MYO3B: variants seen among roughly 807,000 people sequenced by gnomAD.
MYO3B encodes the protein myosin-IIIb.
In MYO3B, 156 loss-of-function variants were observed where a neutral mutation model predicts 174.6. That is an observed-to-expected ratio of 0.89 (90% CI 0.78 to 1.02). MYO3B has a LOEUF of 1.02. Among genes scored for constraint, MYO3B ranks in the 50% least tolerant of loss-of-function variants. MYO3B has a pLI of 0.00. For missense variants in MYO3B, 1,632 were observed against 1,639.4 expected (o/e 1.00, Z 0.08); for synonymous variants, 563 against 569.1 (o/e 0.99, Z 0.15).
chr2:170,556,852 A>G (rs1691340718), intron 32 of MYO3B, among the ~76,000 whole-genome samples: 1 of 152,208 alleles, frequency 6.6e-6, no homozygotes, highest in African/African-American at 2.4e-5. Flanking sequence ...TTGTGTAGTC[A>G]CATCTCATTA....
chr2:170,591,036 A>T (rs1303181491), intron 32 of MYO3B, among the ~76,000 whole-genome samples: 1 of 152,236 alleles, frequency 6.6e-6, no homozygotes, highest in African/African-American at 2.4e-5. Flanking sequence ...TTTGCTCTCA[A>T]CGTTTAAAAG....
chr2:170,626,511 C>T (rs975823130), intron 32 of MYO3B, among the ~76,000 whole-genome samples: 1 of 152,150 alleles, frequency 6.6e-6, no homozygotes, highest in Non-Finnish European at 1.5e-5. Context: ...ATCCAATTTG[C>T]CAGTCTGTGT....
intron 32 of MYO3B, among the ~76,000 whole-genome samples, chr2:170,632,294 C>T (rs559980499): frequency 6.6e-6 from 1 of 152,328 alleles, no homozygotes; most frequent in East Asian, 1.9e-4. Context: ...TCTCAGACCA[C>T]AGTCAAATTA....
intron 32 of MYO3B, among the ~76,000 whole-genome samples, chr2:170,558,158 G>A (rs888857025): frequency 2.6e-5 from 4 of 151,954 alleles, no homozygotes; most frequent in Non-Finnish European, 2.9e-5. Flanking sequence ...AAAATTAGCC[G>A]AGCATGGTGG....
intron 6 of MYO3B, among the ~76,000 whole-genome samples, chr2:170,233,623 G>C (rs930183984): frequency 6.6e-6 from 1 of 152,206 alleles, no homozygotes; most frequent in Non-Finnish European, 1.5e-5. Context: ...CGTGTTAAAA[G>C]TATGACAGGA....
At chr2:170,231,003 G>A (rs1480016442) in intron 6 of MYO3B, among the ~76,000 whole-genome samples, 1 of 152,226 alleles carries the variant, frequency 6.6e-6, no homozygotes, top group Non-Finnish European at 1.5e-5. Flanking sequence ...CGTGACCCAA[G>A]AGCTGCTGAC....
chr2:170,325,804 A>G (rs1385292213), intron 7 of MYO3B, among the ~76,000 whole-genome samples: 4 of 152,116 alleles, frequency 2.6e-5, no homozygotes, highest in Admixed American at 2.0e-4. Context: ...AGATAAGTCT[A>G]TCTCTACCTC....
At chr2:170,612,015 C>CT (rs1695154111) in intron 32 of MYO3B, among the ~76,000 whole-genome samples, 1 of 152,322 alleles carries the variant, frequency 6.6e-6, no homozygotes, top group South Asian at 2.1e-4. Flanking sequence ...CTCAGGGACA[C>CT]TGAGTCCTAT....
At chr2:170,386,138 G>A (rs1305909181) in intron 12 of MYO3B, 51 bp from the exon 13 acceptor site, 1 of 1,481,030 alleles carries the variant, frequency 6.8e-7, no homozygotes, top group Admixed American at 1.7e-5. Flanking sequence ...AAGCATGCAA[G>A]TTGCTTCTGT....
At chr2:170,629,597 C>A (rs184161431) in intron 32 of MYO3B, among the ~76,000 whole-genome samples, 88 of 152,262 alleles carry the variant, frequency 5.8e-4, no homozygotes, top group African/African-American at 1.9e-3. Flanking sequence ...CACCTGTAAT[C>A]CTAACACTTT....
At chr2:170,366,768 T>C (rs1050495767) in intron 8 of MYO3B, among the ~76,000 whole-genome samples, 36 of 152,206 alleles carry the variant, frequency 2.4e-4, no homozygotes, top group African/African-American at 8.7e-4. Context: ...CTCTCTAACA[T>C]ATCAAATGAT....
chr2:170,188,373 G>A (rs1439487153), intron 1 of MYO3B, among the ~76,000 whole-genome samples: 2 of 152,060 alleles, frequency 1.3e-5, no homozygotes, highest in East Asian at 1.9e-4. Context: ...GATAAGTGAA[G>A]TAGGTTTCTT....
rs11435234 is a variant in MYO3B, at chr2:170,241,130, GT to G, written c.749+5005del. Among the ~76,000 whole-genome samples the G allele has an allele frequency of 3.1e-3, 446 of 146,134 alleles. 4 individuals are homozygous for G. Among genetic ancestry groups the G allele is most frequent in the Admixed American group, 6.2e-3 (92 of 14,748 alleles). On this transcript the variant is annotated intron_variant, in intron 7 of 34. Transcript: ENST00000408978. ...TTTTTCTCTTCCCTTTTATTTATTT[GT>G]TTTTTTTTTTAGTAGGAAAAGCTCA...
intron 28 of MYO3B, among the ~76,000 whole-genome samples, chr2:170,512,559 C>T (rs1688047316): frequency 6.6e-6 from 1 of 152,156 alleles, no homozygotes; most frequent in African/African-American, 2.4e-5. Context: ...GGAAACCTAC[C>T]AGGACAGTGT....
At position 170,535,777 on chromosome 2, in the gene MYO3B, C is replaced by T. The variant is rs149772117; in HGVS notation, c.3576-7129C>T. The stretch of plus-strand genomic sequence containing the variant: ...ATGGAAAGGAAGCTGCTTCCATCAC[C>T]GTCACCCAGGCCACACCACAAATTC... On this transcript the variant is annotated intron_variant, in intron 30 of 34. Coordinates refer to ENST00000408978, the MANE Select transcript of MYO3B (RefSeq NM_138995.5). 1.2e-4 allele frequency among the ~76,000 whole-genome samples: 19 copies of T among 152,270 alleles called. No homozygotes were observed. In the East Asian group the frequency reaches 1.9e-3, roughly 15 times the overall value.
At chr2:170,481,490 C>A (rs1034529694) in intron 25 of MYO3B, among the ~76,000 whole-genome samples, 1 of 152,122 alleles carries the variant, frequency 6.6e-6, no homozygotes, top group Non-Finnish European at 1.5e-5. Context: ...GTGAGAGGAT[C>A]GCTTGAGCCT....
At chr2:170,332,690 A>G (rs1036815343) in intron 7 of MYO3B, among the ~76,000 whole-genome samples, 5 of 152,302 alleles carry the variant, frequency 3.3e-5, no homozygotes, top group African/African-American at 1.2e-4. Flanking sequence ...TGGGCTTCAA[A>G]GAAGATGTTT....
In MYO3B at chr2:170,646,417, C is replaced by A. The variant is rs2105467880; in HGVS notation, c.3734-5211C>A. ...CTGGGTTTTTTTCTTTTTTTGGAGA[C>A]CAAGCGTCACTCTATTACCCAGGCT... On this transcript the variant is annotated intron_variant, in intron 32 of 34. Coordinates refer to ENST00000408978, the MANE Select transcript of MYO3B (RefSeq NM_138995.5). Among the ~76,000 whole-genome samples the A allele has an allele frequency of 1.3e-5, 2 of 151,354 alleles. 1 individual carries two copies. Among genetic ancestry groups the A allele is most frequent in the East Asian group, 3.9e-4 (2 of 5,140 alleles).
chr2:170,401,600 C>A lies in MYO3B; in HGVS notation c.2038C>A (p.Arg680=), dbSNP rs775008494. The change falls in exon 18 of 35, where the codon CGA becomes AGA. Residue 680 remains arginine, a synonymous_variant. Coordinates refer to ENST00000408978, the MANE Select transcript of MYO3B (RefSeq NM_138995.5). ...CACTGTAGACAGGGCTGCGGACGTT[C>A]GAGACGCCATGTCCAAAGCCCTGTA... is the stretch of plus-strand genomic sequence containing the variant. ...ANTVDRAADV[R]DAMSKALYGR... 1.9e-6 allele frequency: 3 copies of A among 1,614,068 alleles called. No homozygotes were observed. The highest frequency in any genetic ancestry group is 1.7e-6 in the Non-Finnish European group (2 of 1,180,012).
Sources: allele counts gnomAD v4.1 joint callset (sites outside exome capture counted in the v4.1 genomes callset), GRCh38; gene constraint gnomAD v4.1.1; transcripts MANE v1.5; gene names NCBI Gene and HGNC (gene_info 2026-07-23, HGNC 2026-07-21).